The following PLEKHG7 variants were observed in gnomAD, a reference collection of about 807,000 sequenced individuals.
The protein encoded by PLEKHG7 is pleckstrin homology and RhoGEF domain containing G7, also known as pleckstrin homology domain-containing family G member 7.
A neutral mutation model predicts 85.2 loss-of-function variants in PLEKHG7; 77 were observed. That is an observed-to-expected ratio of 0.90 (90% confidence interval 0.75 to 1.09). PLEKHG7 has a LOEUF of 1.09. PLEKHG7 is among the 50% of genes least tolerant of loss of function. The probability of loss-of-function intolerance (pLI) is 0.00; values close to 1 mark genes in which losing one functional copy is unlikely to be tolerated. For synonymous variants in PLEKHG7, 301 were observed against 302.4 expected (o/e 1.00, Z 0.05); for missense variants, 777 against 804.3 (o/e 0.97, Z 0.41).
chr12:92,722,995 C>T (rs1022916858), intron 3 of PLEKHG7, among the ~76,000 whole-genome samples: 3 of 151,366 alleles, frequency 2.0e-5, no homozygotes, highest in East Asian at 1.9e-4. Flanking sequence ...CTGAGTGGGT[C>T]GGAAAAGATT....
At chr12:92,751,470 A>G (rs1022178630) in intron 10 of PLEKHG7, among the ~76,000 whole-genome samples, 1 of 151,824 alleles carries the variant, frequency 6.6e-6, no homozygotes, top group Admixed American at 6.6e-5. Context: ...GGTTCAGGCA[A>G]TTCTCCCACC....
intron 3 of PLEKHG7, among the ~76,000 whole-genome samples, chr12:92,715,916 T>G (rs940747564): frequency 6.6e-6 from 1 of 152,144 alleles, no homozygotes; most frequent in African/African-American, 2.4e-5. Context: ...CTAAAATGTT[T>G]ACTATCTGTC....
chr12:92,720,010 A>T (rs911171538), intron 3 of PLEKHG7, among the ~76,000 whole-genome samples: 3 of 152,214 alleles, frequency 2.0e-5, no homozygotes, highest in African/African-American at 7.2e-5. Flanking sequence ...ACAGTTGGGA[A>T]TCTGGGTCCT....
chr12:92,709,507 T>C (rs991264337), intron 3 of PLEKHG7, among the ~76,000 whole-genome samples: 2 of 152,178 alleles, frequency 1.3e-5, no homozygotes, highest in African/African-American at 4.8e-5. Flanking sequence ...AAATAATTGG[T>C]TAGAGAAGGC....
At chr12:92,757,227 A>G (rs1019612883) in intron 13 of PLEKHG7, among the ~76,000 whole-genome samples, 1 of 152,240 alleles carries the variant, frequency 6.6e-6, no homozygotes, top group African/African-American at 2.4e-5. Flanking sequence ...GATTAAATGA[A>G]CCAACGGATG....
At position 92,736,646 on chromosome 12, in the gene PLEKHG7, C is replaced by T. The variant is rs778024196; in HGVS notation, c.795+69C>T. The T allele has an allele frequency of 4.9e-5, 48 of 988,896 alleles. No individual in the cohort carries two copies. The Middle Eastern group carries it at 1.1e-3, about 22-fold the overall frequency. 61.3% of individuals were successfully genotyped at this position (988,896 alleles called of 1,614,324 possible). On this transcript the variant is annotated intron_variant, in intron 6 of 16. Transcript: ENST00000344636. ...CGTTTTTTGGTGGGGTGGGGAAGGTCGGGTCAGTATTTTAAGCTGCCAGAT... is the reference window on the plus strand; with the variant it reads ...CGTTTTTTGGTGGGGTGGGGAAGGTTGGGTCAGTATTTTAAGCTGCCAGAT...
At position 92,736,519 on chromosome 12, in the gene PLEKHG7, A is replaced by G; in HGVS notation, c.737A>G (p.Asn246Ser). The G allele has an allele frequency of 8.1e-7, 1 of 1,231,982 alleles. No individual in the cohort carries two copies. Among genetic ancestry groups the G allele is most frequent in the Non-Finnish European group, 1.0e-6 (1 of 987,846 alleles). 76.3% of individuals were successfully genotyped at this position (1,231,982 alleles called of 1,614,324 possible). A position where few individuals can be genotyped will look rare whatever the true frequency, so the allele number is the denominator to read the frequency against. The stretch of plus-strand genomic sequence containing the variant: ...CACAAGCACATATCTGATCTGGAAA[A>G]CTGCCTGTCCTCTGTGAAAATTACC... ...DKHKHISDLE[N>S]CLSSVKITSF... is the part of the protein sequence containing the mutation. The change falls in exon 6 of 17, where the codon AAC becomes AGC. Residue 246 changes from asparagine to serine, a missense_variant. Around this residue, in one of 3 missense-constraint regions of PLEKHG7, gnomAD observed 520 missense variants for 544.0 expected, o/e 0.96. Coordinates refer to ENST00000344636, the MANE Select transcript of PLEKHG7 (RefSeq NM_001377329.1).
At chr12:92,720,417 T>C (rs908938203) in intron 3 of PLEKHG7, among the ~76,000 whole-genome samples, 1 of 151,690 alleles carries the variant, frequency 6.6e-6, no homozygotes, top group African/African-American at 2.4e-5. Flanking sequence ...CCTCTGCCTC[T>C]CAGATTCAAG....
intron 3 of PLEKHG7, among the ~76,000 whole-genome samples, chr12:92,725,952 A>T (rs1292843998): frequency 6.6e-6 from 1 of 152,146 alleles, no homozygotes; most frequent in Non-Finnish European, 1.5e-5. Flanking sequence ...CTAAATCAGA[A>T]TCTCCACGGT....
chr12:92,761,634 G>GAA (rs749833831), intron 13 of PLEKHG7, 118 bp from the exon 14 acceptor site: 3 of 278,134 alleles, frequency 1.1e-5, no homozygotes, highest in Non-Finnish European at 1.5e-5. Context: ...AAGAAAGAAA[G>GAA]AAAGAAAGAA....
intron 3 of PLEKHG7, among the ~76,000 whole-genome samples, chr12:92,720,640 T>C (rs1202097312): frequency 6.6e-6 from 1 of 152,220 alleles, no homozygotes; most frequent in Admixed American, 6.5e-5. Context: ...AAGTGTCTTT[T>C]ATAAGGACAT....
In PLEKHG7 at chr12:92,761,647, A is replaced by G. The variant is rs540423534; in HGVS notation, c.1637-105A>G. 971 of 1,034,620 alleles carry G rather than the reference A, an allele frequency of 9.4e-4. 10 individuals carry two copies. Among genetic ancestry groups the G allele is most frequent in the Non-Finnish European group, 1.1e-3 (890 of 778,480 alleles). The allele number at this position is 1,034,620 out of a possible 1,614,324, so 64.1% of individuals were successfully genotyped here. A position where few individuals can be genotyped will look rare whatever the true frequency, so the allele number is the denominator to read the frequency against. ...AGAAGAAAGAAAGAAAGAAAGAAAG[A>G]AAGAAAGAAAGAAAGAAAGAAAGAA... On this transcript the variant is annotated intron_variant, in intron 13 of 16. Coordinates refer to ENST00000344636, the MANE Select transcript of PLEKHG7 (RefSeq NM_001377329.1).
chr12:92,742,237 G>C (rs977316849), intron 9 of PLEKHG7, among the ~76,000 whole-genome samples: 1 of 152,122 alleles, frequency 6.6e-6, no homozygotes, highest in Non-Finnish European at 1.5e-5. Context: ...CCAATACCCT[G>C]TACACAATAA....
chr12:92,703,825 C>A (rs1359262923), intron 1 of PLEKHG7, among the ~76,000 whole-genome samples: 3 of 152,188 alleles, frequency 2.0e-5, no homozygotes, highest in Non-Finnish European at 1.5e-5. Flanking sequence ...ATCCTATTGG[C>A]CATAAATAAC....
intron 10 of PLEKHG7, among the ~76,000 whole-genome samples, chr12:92,746,393 G>A (rs781076309): frequency 1.5e-4 from 23 of 152,194 alleles, no homozygotes; most frequent in Non-Finnish European, 3.1e-4. Context: ...GTGGGCTTCC[G>A]CCCCAGCCTT....
intron 9 of PLEKHG7, among the ~76,000 whole-genome samples, chr12:92,741,865 C>G (rs187298325): frequency 6.6e-6 from 1 of 152,282 alleles, no homozygotes; most frequent in East Asian, 1.9e-4. Context: ...TAAGTGGCTT[C>G]AATTTAAAGC....
intron 10 of PLEKHG7, among the ~76,000 whole-genome samples, chr12:92,749,360 C>T (rs548643440): frequency 2.4e-4 from 37 of 152,154 alleles, no homozygotes; most frequent in African/African-American, 7.5e-4. Context: ...GGTACAATCA[C>T]AGCTCACTGC....
intron 5 of PLEKHG7, among the ~76,000 whole-genome samples, chr12:92,736,241 A>G (rs533048459): frequency 5.8e-4 from 88 of 151,920 alleles, no homozygotes; most frequent in African/African-American, 2.1e-3. Flanking sequence ...TTTAATTTGT[A>G]AAATGAGAGG....
chr12:92,712,752 G>T (rs1050516466), intron 3 of PLEKHG7, among the ~76,000 whole-genome samples: 2 of 152,072 alleles, frequency 1.3e-5, no homozygotes, highest in Non-Finnish European at 2.9e-5. Context: ...TGGGGGTTCT[G>T]CCAGCTGCTA....
Sources: gnomAD v4.1 joint callset for allele counts (sites outside exome capture counted in the v4.1 genomes callset) on GRCh38, gnomAD v4.1.1 for gene constraint, gnomAD v4.1.1 regional missense constraint, MANE v1.5 for transcripts, NCBI Gene and HGNC (gene_info 2026-07-23, HGNC 2026-07-21) for gene names.